The following MRPL11 variants were observed in gnomAD, a reference collection of about 807,000 sequenced individuals.
MRPL11 encodes large ribosomal subunit protein uL11m.
MRPL11 carries 21 observed loss-of-function variants against 19.1 expected under a neutral mutation model. The observed-to-expected ratio is 1.10, with a 90% confidence interval of 0.78 to 1.58. The LOEUF (loss-of-function observed/expected upper bound fraction) is 1.58. Ranked by LOEUF, MRPL11 falls within the 40% of genes most tolerant of loss-of-function variation. The probability of loss-of-function intolerance (pLI) is 0.00; values close to 1 mark genes in which losing one functional copy is unlikely to be tolerated. For missense variants in MRPL11, 242 were observed against 243.9 expected (o/e 0.99, Z 0.05); for synonymous variants, 108 against 99.7 (o/e 1.08, Z -0.49).
Position 66,437,140 on chromosome 11 carries a change from C to T in MRPL11, c.437G>A (p.Gly146Glu). Reference sequence around the variant, plus strand: ...GCGAATGCCCAGAGAACGGGCAGACCCGATGATGGAGCGGACAACAGACGA... The same window carrying T: ...GCGAATGCCCAGAGAACGGGCAGACTCGATGATGGAGCGGACAACAGACGA... ...PLSSVVRSII[G>E]SARSLGIRVV... The change falls in exon 4 of 5, where the codon GGG becomes GAG. Residue 146 changes from glycine (G) to glutamate (E), a missense_variant. Physicochemically the swap from Gly to Glu is moderately conservative, Grantham distance 98. Coordinates refer to ENST00000310999, the MANE Select transcript of MRPL11 (RefSeq NM_016050.5). The T allele has an allele frequency of 6.2e-7, 1 of 1,614,182 alleles. No homozygotes were observed. The highest frequency in any genetic ancestry group is 1.1e-5 in the South Asian group (1 of 91,078).
intron 2 of MRPL11, 25 bp downstream of exon 2, chr11:66,438,139 C>T: frequency 6.5e-7 from 1 of 1,544,826 alleles, no homozygotes. Flanking sequence ...GAGAAGGAAA[C>T]CAGGGATCAG....
intron 4 of MRPL11, 193 bp downstream of exon 4, chr11:66,436,911 T>G: frequency 6.2e-7 from 1 of 1,613,072 alleles, no homozygotes; most frequent in Non-Finnish European, 8.5e-7. Context: ...GAACAACGTC[T>G]AATACATAAC....
intron 4 of MRPL11, 196 bp downstream of exon 4, chr11:66,436,908 G>C: frequency 6.2e-7 from 1 of 1,612,966 alleles, no homozygotes; most frequent in South Asian, 1.1e-5. Context: ...GCAGAACAAC[G>C]TCTAATACAT....
rs1590702728 is a variant in MRPL11, at chr11:66,436,984, A to G, written c.473+120T>C. 12 of 1,524,068 alleles carry G rather than the reference A, an allele frequency of 7.9e-6. No homozygotes were observed. The South Asian group carries it at 1.4e-4, about 17-fold the overall frequency. The allele number at this position is 1,524,068 out of a possible 1,614,324, so 94.4% of individuals were successfully genotyped here. A position where few individuals can be genotyped will look rare whatever the true frequency, so the allele number is the denominator to read the frequency against. The stretch of plus-strand genomic sequence containing the variant: ...GCCTCCCACCCCCACCCCATCCTCT[A>G]GAATCTAGGGTCCCTTGACTTAAAA... On this transcript the variant is annotated intron_variant, in intron 4 of 4. Transcript: ENST00000310999.
chr11:66,435,711 G>A lies in MRPL11; in HGVS notation c.*296C>T, dbSNP rs1268812163. ...AGGACCTGGGCAAGTTACTTTGCTTGGCTGAACCTCAGTTTGCACATCTGA... is the reference window on the plus strand; with the variant it reads ...AGGACCTGGGCAAGTTACTTTGCTTAGCTGAACCTCAGTTTGCACATCTGA... On this transcript the variant is annotated 3_prime_UTR_variant, in exon 5 of 5. Coordinates refer to ENST00000310999, the MANE Select transcript of MRPL11 (RefSeq NM_016050.5). The A allele has an allele frequency of 3.9e-6, 1 of 258,584 alleles. No individual in the cohort carries two copies. The highest frequency in any genetic ancestry group is 2.2e-5 in the African/African-American group (1 of 45,116). 16.0% of individuals were successfully genotyped at this position (258,584 alleles called of 1,614,324 possible).
intron 2 of MRPL11, 108 bp from the exon 3 acceptor site, chr11:66,437,551 C>G: frequency 1.0e-6 from 1 of 961,494 alleles, no homozygotes; most frequent in Admixed American, 2.2e-5. Flanking sequence ...AATGGCATCC[C>G]TCAAAAAGAC....
Position 66,438,794 on chromosome 11 carries a change from G to C in MRPL11, c.-40C>G. 2 of 1,456,078 alleles carry C rather than the reference G, an allele frequency of 1.4e-6. No individual in the cohort carries two copies. Among genetic ancestry groups the C allele is most frequent in the Admixed American group, 2.7e-5 (1 of 37,144 alleles). The allele number at this position is 1,456,078 out of a possible 1,614,324, so 90.2% of individuals were successfully genotyped here. On this transcript the variant is annotated 5_prime_UTR_variant, in exon 1 of 5. Coordinates refer to ENST00000310999, the MANE Select transcript of MRPL11 (RefSeq NM_016050.5). ...GGCTTCAGTTCACCTCAGGGGAGCA[G>C]CAAGAGCGAAGCTCTGGGCGCCACC...
chr11:66,438,818 C>T lies in MRPL11; in HGVS notation c.-64G>A, dbSNP rs980287550. 2 of 1,388,972 alleles carry T rather than the reference C, an allele frequency of 1.4e-6. No individual in the cohort carries two copies. The highest frequency in any genetic ancestry group is 1.5e-5 in the African/African-American group (1 of 67,202). 86.0% of individuals were successfully genotyped at this position (1,388,972 alleles called of 1,614,324 possible). The stretch of plus-strand genomic sequence containing the variant: ...AGCAAGAGCGAAGCTCTGGGCGCCA[C>T]CATCTTGGGCCAGAGGTCAAGGGTC... On this transcript the variant is annotated 5_prime_UTR_variant, in exon 1 of 5. It adds an upstream start codon to the 5' untranslated region. Transcript: ENST00000310999.
At position 66,437,171 on chromosome 11, in the gene MRPL11, G is replaced by A; in HGVS notation, c.406C>T (p.Pro136Ser). ...QDEAFALQDV[P>S]LSSVVRSIIG... ...ATGGAGCGGACAACAGACGACAGGG[G>A]TACATCCTGCAGGGCAAATGCCTCA... The change falls in exon 4 of 5, where the codon CCC becomes TCC. Residue 136 changes from proline (P) to serine (S), a missense_variant. Coordinates refer to ENST00000310999, the MANE Select transcript of MRPL11 (RefSeq NM_016050.5). 1 of 1,614,234 alleles carries A rather than the reference G, an allele frequency of 6.2e-7. No homozygotes were observed. Among genetic ancestry groups the A allele is most frequent in the Non-Finnish European group, 8.5e-7 (1 of 1,180,050 alleles).
chr11:66,436,708 C>T, intron 4 of MRPL11: 1 of 791,548 alleles, frequency 1.3e-6, no homozygotes, highest in Non-Finnish European at 2.1e-6. Context: ...CTGAAGTCAT[C>T]CGAAGCCCCA....
chr11:66,438,385 A>C (rs1590704370), intron 1 of MRPL11, 126 bp from the exon 2 acceptor site: 1 of 902,440 alleles, frequency 1.1e-6, no homozygotes, highest in Non-Finnish European at 1.8e-6. Flanking sequence ...AGATTCAACT[A>C]CCCCTCCGTG....
In MRPL11 at chr11:66,438,153, CCA is replaced by C; in HGVS notation, c.219+9_219+10del. 3 of 1,597,784 alleles carry C rather than the reference CCA, an allele frequency of 1.9e-6. No homozygotes were observed. Among genetic ancestry groups the C allele is most frequent in the Middle Eastern group, 1.7e-4 (1 of 6,032 alleles). ...GGAGAAGGAAACCAGGGATCAGAGT[CCA>C]GACTCCACCTTCACTAAAATCTTGG... On this transcript the variant is annotated intron_variant, in intron 2 of 4. Coordinates refer to ENST00000310999, the MANE Select transcript of MRPL11 (RefSeq NM_016050.5).
rs1164738327 is a variant in MRPL11 at position 66,437,420 on chromosome 11, C to T, written c.243G>A (p.Lys81=). ...AGTAGGAAACAGTGGGCTGTCCAAT[C>T]TTAATTTCAAATGTCCTGTCAGGCT... ...LVKPDRTFEI[K]IGQPTVSYFL... Residue 81 remains lysine, a synonymous_variant, in exon 3 of 5, where the codon AAG becomes AAA. Coordinates refer to ENST00000310999, the MANE Select transcript of MRPL11 (RefSeq NM_016050.5). 2.5e-6 allele frequency: 4 copies of T among 1,614,064 alleles called. No individual in the cohort carries two copies. The Admixed American group carries it at 5.0e-5, about 20-fold the overall frequency.
chr11:66,438,127 G>A (rs764117920), intron 2 of MRPL11, 37 bp downstream of exon 2: 1 of 1,476,512 alleles, frequency 6.8e-7, no homozygotes, highest in African/African-American at 1.4e-5. Context: ...GAAGAACAGA[G>A]GGAGAAGGAA....
chr11:66,437,650 A>G (rs1006287739), intron 2 of MRPL11, among the ~76,000 whole-genome samples: 4 of 152,194 alleles, frequency 2.6e-5, no homozygotes, highest in African/African-American at 9.6e-5. Context: ...AGGCGGGTGG[A>G]TCACCTGAGG....
intron 1 of MRPL11, 135 bp downstream of exon 1, chr11:66,438,497 G>A: frequency 8.2e-7 from 1 of 1,226,928 alleles, no homozygotes. Flanking sequence ...CCAGCACAAG[G>A]ACATAAAGCG....
intron 1 of MRPL11, 67 bp from the exon 2 acceptor site, chr11:66,438,326 CG>C (rs1005190881): frequency 7.9e-7 from 1 of 1,261,616 alleles, no homozygotes; most frequent in African/African-American, 1.5e-5. Flanking sequence ...CAGGAGGCGC[CG>C]TCCGTTCCCT....
In MRPL11 at chr11:66,437,798, C is replaced by G. The variant is rs181573026; in HGVS notation, c.220-355G>C. Among the ~76,000 whole-genome samples, 5 of 152,188 alleles carry G rather than the reference C, an allele frequency of 3.3e-5. No homozygotes were observed. In the East Asian group the frequency reaches 9.7e-4, roughly 29 times the overall value. ...CTGAGGCAGGAGAATTGCTTGAACC[C>G]GGGAGGAGGAGATTGCAGTGAGCGG... On this transcript the variant is annotated intron_variant, in intron 2 of 4. Transcript: ENST00000310999.
At position 66,438,726 on chromosome 11, in the gene MRPL11, C is replaced by A; in HGVS notation, c.29G>T (p.Gly10Val). The stretch of plus-strand genomic sequence containing the variant: ...ACCGCCGACCTCGGGCTTCCTGAGG[C>A]CCCGGGCGGCCCGGCCGAGCTTTGA... The part of the protein sequence containing the change: MSKLGRAAR[G>V]LRKPEVGGVI... Residue 10 changes from glycine to valine, a missense_variant, in exon 1 of 5, where the codon GGC (glycine) becomes GTC (valine). Transcript: ENST00000310999. 1 of 1,578,412 alleles carries A rather than the reference C, an allele frequency of 6.3e-7. No individual in the cohort carries two copies. Among genetic ancestry groups the A allele is most frequent in the Non-Finnish European group, 8.6e-7 (1 of 1,161,168 alleles).
Sources: allele counts gnomAD v4.1 joint callset (sites outside exome capture counted in the v4.1 genomes callset), GRCh38; gene constraint gnomAD v4.1.1; transcripts MANE v1.5; gene names NCBI Gene and HGNC (gene_info 2026-07-23, HGNC 2026-07-21).